HNRNPR: variants seen among roughly 807,000 people sequenced by gnomAD.
The protein encoded by HNRNPR is heterogeneous nuclear ribonucleoprotein R.
A neutral mutation model predicts 70.3 loss-of-function variants in HNRNPR; 4 were observed. The observed-to-expected ratio is 0.06, with a 90% CI of 0.03 to 0.13. The LOEUF (loss-of-function observed/expected upper bound fraction) is 0.13, where lower values mean the gene tolerates loss of function less well. Among genes scored for constraint, HNRNPR ranks in the 10% least tolerant of loss-of-function variants. The probability of loss-of-function intolerance (pLI) is 1.00; values close to 1 mark genes in which losing one functional copy is unlikely to be tolerated. For synonymous variants in HNRNPR, 241 were observed against 267.6 expected (o/e 0.90, Z 0.97); for missense variants, 423 against 788.5 (o/e 0.54, Z 5.55).
In HNRNPR at chr1:23,307,301, T is replaced by C. The variant is rs891110018; in HGVS notation, c.*3153A>G. The C allele has an allele frequency of 6.6e-6, 1 of 152,122 alleles. No individual in the cohort carries two copies. Among genetic ancestry groups the C allele is most frequent in the African/African-American group, 2.4e-5 (1 of 41,460 alleles). The allele number at this position is 152,122 out of a possible 1,614,324, so 9.4% of individuals were successfully genotyped here. ...AATGAGTTTCAAGAATAATATTATA[T>C]GGCTTTATGCTAGGAGTGAAATTTT... On this transcript the variant is annotated 3_prime_UTR_variant, in exon 11 of 11. Transcript: ENST00000302271.
At chr1:23,327,265 GAC>G (rs1646026025) in intron 5 of HNRNPR, among the ~76,000 whole-genome samples, 1 of 152,114 alleles carries the variant, frequency 6.6e-6, no homozygotes, top group Non-Finnish European at 1.5e-5. Flanking sequence ...TCTTTCAAGA[GAC>G]AAGTAATTAG....
chr1:23,331,293 G>A (rs1646210639), intron 5 of HNRNPR, among the ~76,000 whole-genome samples: 1 of 151,574 alleles, frequency 6.6e-6, no homozygotes, highest in Non-Finnish European at 1.5e-5. Flanking sequence ...CAGACATGGT[G>A]ACTCACGCCT....
In HNRNPR at chr1:23,318,732, A is replaced by G. The variant is rs1323173476; in HGVS notation, c.812-44T>C. 1 of 1,592,514 alleles carries G rather than the reference A, an allele frequency of 6.3e-7. No individual in the cohort carries two copies. Among genetic ancestry groups the G allele is most frequent in the Non-Finnish European group, 8.6e-7 (1 of 1,163,334 alleles). On this transcript the variant is annotated intron_variant, in intron 7 of 10. Coordinates refer to ENST00000302271, the MANE Select transcript of HNRNPR (RefSeq NM_005826.5). The surrounding 1 kb of genome is among the most constrained non-coding windows in gnomAD (Gnocchi z 4.2). ...GATATATAAGCCAAAAGCATCCACC[A>G]CACATCTAGCGATTAGGCAGACCTA...
chr1:23,318,289 A>G lies in HNRNPR; in HGVS notation c.1017+194T>C, dbSNP rs527979436. ...TCCTTTTGCACATTTAATCTGCAGG[A>G]AAAGGGATTGTTAATGGAAATTCCT... On this transcript the variant is annotated intron_variant, in intron 8 of 10. Transcript: ENST00000302271. This position sits in a 1 kb window ranked among gnomAD's most constrained non-coding sequence, Gnocchi z 4.2. Among the ~76,000 whole-genome samples the G allele has an allele frequency of 6.6e-6, 1 of 152,262 alleles. No individual in the cohort carries two copies. Among genetic ancestry groups the G allele is most frequent in the South Asian group, 2.1e-4 (1 of 4,822 alleles).
intron 5 of HNRNPR, among the ~76,000 whole-genome samples, chr1:23,324,217 A>G (rs919477648): frequency 4.6e-5 from 7 of 151,966 alleles, no homozygotes; most frequent in African/African-American, 7.2e-5. Flanking sequence ...TAATTGAATA[A>G]AAGATTGACA....
Position 23,307,173 on chromosome 1 carries a change from T to C in HNRNPR, c.*3281A>G, listed in dbSNP as rs1403806738. 1.3e-5 allele frequency: 2 copies of C among 152,078 alleles called. No homozygotes were observed. The highest frequency in any genetic ancestry group is 2.9e-5 in the Non-Finnish European group (2 of 67,972). 9.4% of individuals were successfully genotyped at this position (152,078 alleles called of 1,614,324 possible). On this transcript the variant is annotated 3_prime_UTR_variant, in exon 11 of 11. Transcript: ENST00000302271. ...AGAAGCCTTGATAATTGACAAGCAA[T>C]AGCCTTATAGCAAGTATTTACTGGA...
At chr1:23,337,976 C>G (rs902456899) in intron 3 of HNRNPR, 115 bp from the exon 4 acceptor site, 34 of 696,148 alleles carry the variant, frequency 4.9e-5, no homozygotes, top group Non-Finnish European at 7.3e-5. Flanking sequence ...TTTACTGATT[C>G]ATTCAACAAG....
intron 9 of HNRNPR, among the ~76,000 whole-genome samples, chr1:23,312,119 G>C (rs1476842898): frequency 6.6e-6 from 1 of 151,948 alleles, no homozygotes; most frequent in African/African-American, 2.4e-5. Context: ...TCCCCACTCT[G>C]GGCACACATA....
At position 23,307,990 on chromosome 1, in the gene HNRNPR, GATTT is replaced by G. The variant is rs1320746399; in HGVS notation, c.*2460_*2463del. 1.3e-5 allele frequency: 2 copies of G among 151,692 alleles called. No individual in the cohort carries two copies. Among genetic ancestry groups the G allele is most frequent in the Admixed American group, 6.6e-5 (1 of 15,242 alleles). The allele number at this position is 151,692 out of a possible 1,614,324, so 9.4% of individuals were successfully genotyped here. A position where few individuals can be genotyped will look rare whatever the true frequency, so the allele number is the denominator to read the frequency against. On this transcript the variant is annotated 3_prime_UTR_variant, in exon 11 of 11. Coordinates refer to ENST00000302271, the MANE Select transcript of HNRNPR (RefSeq NM_005826.5). Reference sequence around the variant, plus strand: ...TTCAGGTTTATATATTACACTGTTAGATTTATTTATGTGAAAAGTTGAGCTCTGA... The same window carrying G: ...TTCAGGTTTATATATTACACTGTTAGATTTATGTGAAAAGTTGAGCTCTGA...
intron 7 of HNRNPR, among the ~76,000 whole-genome samples, chr1:23,319,920 CATCTT>C (rs1362052352): frequency 8.5e-5 from 13 of 152,168 alleles, no homozygotes; most frequent in Admixed American, 8.5e-4. Flanking sequence ...GTTGACATGT[CATCTT>C]ATCAGAAAAG....
intron 8 of HNRNPR, among the ~76,000 whole-genome samples, chr1:23,316,232 G>A (rs182514182): frequency 4.6e-5 from 7 of 152,292 alleles, no homozygotes; most frequent in Admixed American, 4.6e-4. Context: ...TTAAGCCCAG[G>A]AGTTCAAGGC....
rs2749164 is a variant in HNRNPR at position 23,331,042 on chromosome 1, A to C, written c.498+2476T>G. ...TCATGAACTTTAACTTTATGAGAGA[A>C]ATCTGAAACTTTCCATTAGGACTTT... On this transcript the variant is annotated intron_variant, in intron 5 of 10. Transcript: ENST00000302271. 8.5e-3 allele frequency among the ~76,000 whole-genome samples: 1,295 copies of C among 152,334 alleles called. 23 individuals are homozygous for C. The highest frequency in any genetic ancestry group is 0.03 in the African/African-American group (1,240 of 41,574).
At position 23,323,669 on chromosome 1, in the gene HNRNPR, C is replaced by T. The variant is rs755716055; in HGVS notation, c.562G>A (p.Ala188Thr). 6.2e-7 allele frequency: 1 copy of T among 1,614,104 alleles called. No individual in the cohort carries two copies. The highest frequency in any genetic ancestry group is 2.2e-5 in the East Asian group (1 of 44,880). ...AGACGTAGATCCCAAATGGGTCCGG[C>T]CTTCTCAAAAAGGGGCACCAACTCA... Reference protein sequence around the residue: ...EDELVPLFEKAGPIWDLRLMM... With the variant: ...EDELVPLFEKTGPIWDLRLMM... Residue 188 changes from alanine to threonine, a missense_variant, in exon 6 of 11, where the codon GCC (alanine) becomes ACC (threonine). Coordinates refer to ENST00000302271, the MANE Select transcript of HNRNPR (RefSeq NM_005826.5).
chr1:23,337,438 A>G (rs1008546961), intron 4 of HNRNPR, among the ~76,000 whole-genome samples: 2 of 152,154 alleles, frequency 1.3e-5, no homozygotes, highest in Non-Finnish European at 2.9e-5. Context: ...TGGGCGGATC[A>G]CAAGGTCAGG....
At chr1:23,332,726 C>CA (rs556898057) in intron 5 of HNRNPR, among the ~76,000 whole-genome samples, 1,632 of 138,932 alleles carry the variant, frequency 0.012, 17 homozygotes, top group South Asian at 0.027. Flanking sequence ...AAAACCAAAC[C>CA]AAAAAAAAAA....
rs1645291022 is a variant in HNRNPR, at chr1:23,310,580, C to G, written c.1776G>C (p.Gln592His). ...DSKRRQTNNQ[Q>H]NWGSQPIAQQ... Reference sequence around the variant, plus strand: ...GAGCGATGGGTTGGGAACCCCAGTTCTGTTGGTTGTTGGTCTGACGACGCT... The same window carrying G: ...GAGCGATGGGTTGGGAACCCCAGTTGTGTTGGTTGTTGGTCTGACGACGCT... Residue 592 changes from glutamine (Q) to histidine (H), a missense_variant, in exon 11 of 11, where the codon CAG becomes CAC. Physicochemically the swap from Gln to His is conservative, Grantham distance 24 (BLOSUM62 0). Coordinates refer to ENST00000302271, the MANE Select transcript of HNRNPR (RefSeq NM_005826.5). The surrounding 1 kb of genome is among the most constrained non-coding windows in gnomAD (Gnocchi z 6.0). 9 of 1,614,228 alleles carry G rather than the reference C, an allele frequency of 5.6e-6. No individual in the cohort carries two copies. In the East Asian group the frequency reaches 2.0e-4, roughly 36 times the overall value.
In HNRNPR at chr1:23,337,872, C is replaced by A. The variant is rs1303964403; in HGVS notation, c.277-11G>T. The stretch of plus-strand genomic sequence containing the variant: ...AAATGCACTTTTGTTCTAGAACAGA[C>A]AAGTAATTCAATAAAAAGAATCACC... On this transcript the variant is annotated splice_polypyrimidine_tract_variant and intron_variant, in intron 3 of 10. Coordinates refer to ENST00000302271, the MANE Select transcript of HNRNPR (RefSeq NM_005826.5). The A allele has an allele frequency of 6.8e-6, 10 of 1,474,936 alleles. No homozygotes were observed. The highest frequency in any genetic ancestry group is 9.3e-6 in the Non-Finnish European group (10 of 1,070,050). 91.4% of individuals were successfully genotyped at this position (1,474,936 alleles called of 1,614,324 possible).
intron 5 of HNRNPR, among the ~76,000 whole-genome samples, chr1:23,330,396 A>ATGG (rs1282573505): frequency 6.6e-6 from 1 of 152,048 alleles, no homozygotes; most frequent in African/African-American, 2.4e-5. Flanking sequence ...TTAGCTGAGC[A>ATGG]TGGTGGTGCA....
chr1:23,309,675 T>G lies in HNRNPR; in HGVS notation c.*779A>C, dbSNP rs1294402299. On this transcript the variant is annotated 3_prime_UTR_variant, in exon 11 of 11. Transcript: ENST00000302271. ...CACATGTTGGAATAAACAAGAAATT[T>G]TGCATGAATTTGATCACTCACATAG... The G allele has an allele frequency of 1.3e-5, 2 of 152,596 alleles. No individual in the cohort carries two copies. Among genetic ancestry groups the G allele is most frequent in the South Asian group, 2.1e-4 (1 of 4,832 alleles). 9.5% of individuals were successfully genotyped at this position (152,596 alleles called of 1,614,324 possible).
Sources: gnomAD v4.1 joint callset for allele counts (sites outside exome capture counted in the v4.1 genomes callset) on GRCh38, gnomAD v4.1.1 for gene constraint, Gnocchi (gnomAD v3.1) non-coding constraint, MANE v1.5 for transcripts, NCBI Gene and HGNC (gene_info 2026-07-23, HGNC 2026-07-21) for gene names.